The following ACOT7 variants were observed in gnomAD, a reference collection of about 807,000 sequenced individuals.
The protein encoded by ACOT7 is cytosolic acyl coenzyme A thioester hydrolase.
A neutral mutation model predicts 40.2 loss-of-function variants in ACOT7; 12 were observed. The observed-to-expected ratio is 0.30, with a 90% CI of 0.19 to 0.48. The LOEUF (loss-of-function observed/expected upper bound fraction) is 0.48. ACOT7 is among the 20% of genes least tolerant of loss of function. The pLI is 0.99. For synonymous variants in ACOT7, 228 were observed against 219.5 expected (o/e 1.04, Z -0.34); for missense variants, 395 against 530.8 (o/e 0.74, Z 2.51).
rs1479125952 is a variant in ACOT7 at position 6,358,828 on chromosome 1, G to A, written c.144-8962C>T. On this transcript the variant is annotated intron_variant, in intron 1 of 8. Transcript: ENST00000361521. The surrounding 1 kb of genome is among the most constrained non-coding windows in gnomAD (Gnocchi z 4.1). ...GACATGCCCATGACTGGCAGTACCT[G>A]CTCAGCTGGAAAGCCATGGTGGCTA... 2 of 1,613,920 alleles carry A rather than the reference G, an allele frequency of 1.2e-6. No individual in the cohort carries two copies. The highest frequency in any genetic ancestry group is 1.7e-4 in the Middle Eastern group (1 of 6,060).
intron 1 of ACOT7, 21 bp from the exon 2 acceptor site, chr1:6,349,887 G>A: frequency 1.2e-6 from 2 of 1,610,392 alleles, no homozygotes; most frequent in Non-Finnish European, 1.7e-6. Context: ...GGAGAAGCAG[G>A]ATGAGGCCTC....
At chr1:6,283,868 G>A (rs1200505407) in intron 7 of ACOT7, among the ~76,000 whole-genome samples, 1 of 152,184 alleles carries the variant, frequency 6.6e-6, no homozygotes. Flanking sequence ...AGTGGCACAC[G>A]CCTGTGGTCC....
At chr1:6,361,061 C>T (rs1275833620) in intron 1 of ACOT7, among the ~76,000 whole-genome samples, 1 of 152,140 alleles carries the variant, frequency 6.6e-6, no homozygotes, top group African/African-American at 2.4e-5. Flanking sequence ...TATTCACAAC[C>T]ACCCAAGGAT....
At chr1:6,287,044 C>T (rs1639523410) in intron 7 of ACOT7, among the ~76,000 whole-genome samples, 1 of 152,212 alleles carries the variant, frequency 6.6e-6, no homozygotes, top group African/African-American at 2.4e-5. Context: ...CCTCGGCCTC[C>T]CAAAGTGCTG....
Position 6,339,483 on chromosome 1 carries a change from T to G in ACOT7, c.368A>C (p.Lys123Thr). The change falls in exon 3 of 9, where the codon AAG becomes ACG. Residue 123 changes from lysine to threonine, a missense_variant. Around this residue, in one of 2 missense-constraint regions of ACOT7, gnomAD observed 309 missense variants for 470.3 expected, o/e 0.66. Coordinates refer to ENST00000361521, the MANE Select transcript of ACOT7 (RefSeq NM_007274.4). ...GTTGACCTGCACCTCCACAGAGTGCTTGGAGGTGTAGGTGATCTCCGCGCT... is the reference window on the plus strand; with the variant it reads ...GTTGACCTGCACCTCCACAGAGTGCGTGGAGGTGTAGGTGATCTCCGCGCT... Reference protein sequence around the residue: ...HVSAEITYTSKHSVEVQVNVM... With the variant: ...HVSAEITYTSTHSVEVQVNVM... 6.2e-7 allele frequency: 1 copy of G among 1,613,758 alleles called. No individual in the cohort carries two copies. The highest frequency in any genetic ancestry group is 8.5e-7 in the Non-Finnish European group (1 of 1,180,034).
intron 1 of ACOT7, among the ~76,000 whole-genome samples, chr1:6,361,891 T>C (rs1379931674): frequency 3.9e-5 from 6 of 152,160 alleles, no homozygotes; most frequent in Non-Finnish European, 7.3e-5. Context: ...GGGTGACACA[T>C]GGCAGGAGCC....
chr1:6,391,004 C>G (rs1178835584), intron 1 of ACOT7, among the ~76,000 whole-genome samples: 2 of 151,672 alleles, frequency 1.3e-5, no homozygotes, highest in Non-Finnish European at 2.9e-5. Flanking sequence ...ATACAAAAAT[C>G]TAGTAACTAG....
chr1:6,291,110 T>C lies in ACOT7; in HGVS notation c.829+3754A>G, dbSNP rs1034588799. 1.1e-4 allele frequency among the ~76,000 whole-genome samples: 16 copies of C among 152,180 alleles called. 1 individual carries two copies. Among genetic ancestry groups the C allele is most frequent in the African/African-American group, 3.9e-4 (16 of 41,438 alleles). ...GAAGTGAGCTAGTATCTACATGAGTTGAGCTTTAAGGAGACAAAGCATTTC... is the reference window on the plus strand; with the variant it reads ...GAAGTGAGCTAGTATCTACATGAGTCGAGCTTTAAGGAGACAAAGCATTTC... On this transcript the variant is annotated intron_variant, in intron 7 of 8. Coordinates refer to ENST00000361521, the MANE Select transcript of ACOT7 (RefSeq NM_007274.4).
At chr1:6,322,437 T>C (rs1245833646) in intron 5 of ACOT7, among the ~76,000 whole-genome samples, 1 of 152,230 alleles carries the variant, frequency 6.6e-6, no homozygotes. Flanking sequence ...TGAAATTCTG[T>C]GTGTGGAGTG....
intron 5 of ACOT7, among the ~76,000 whole-genome samples, chr1:6,324,762 C>A (rs1640752371): frequency 6.6e-6 from 1 of 152,198 alleles, no homozygotes; most frequent in African/African-American, 2.4e-5. Flanking sequence ...CTTGCAAGGG[C>A]ACTGATCACT....
At chr1:6,387,781 G>C (rs1642463017) in intron 1 of ACOT7, among the ~76,000 whole-genome samples, 2 of 152,176 alleles carry the variant, frequency 1.3e-5, no homozygotes, top group Admixed American at 6.5e-5. Context: ...GTAGACAAAG[G>C]CCTCCCCACG....
chr1:6,336,333 C>CAAAAAA (rs3029068), intron 3 of ACOT7, among the ~76,000 whole-genome samples: 2,741 of 52,712 alleles, frequency 0.052, 129 homozygotes, highest in African/African-American at 0.071. Context: ...GACTCGGTCT[C>CAAAAAA]AAAAAAAAAA....
chr1:6,334,239 G>A (rs537783016), intron 3 of ACOT7, among the ~76,000 whole-genome samples: 1 of 152,374 alleles, frequency 6.6e-6, no homozygotes, highest in African/African-American at 2.4e-5. Context: ...GACATCGAAC[G>A]TCAAAATCAA....
At chr1:6,316,233 A>G (rs1298304423) in intron 6 of ACOT7, among the ~76,000 whole-genome samples, 1 of 152,154 alleles carries the variant, frequency 6.6e-6, no homozygotes, top group Non-Finnish European at 1.5e-5. Flanking sequence ...CCAGGCTCGG[A>G]AGAGGGAGCT....
intron 1 of ACOT7, among the ~76,000 whole-genome samples, chr1:6,382,649 C>A (rs1404029330): frequency 6.6e-6 from 1 of 151,432 alleles, no homozygotes; most frequent in African/African-American, 2.4e-5. Flanking sequence ...AATCCTGTCT[C>A]TACAAAAACT....
intron 2 of ACOT7, among the ~76,000 whole-genome samples, chr1:6,345,311 G>A (rs1641389152): frequency 6.6e-6 from 1 of 152,350 alleles, no homozygotes; most frequent in East Asian, 1.9e-4. Flanking sequence ...CAGGCACTGG[G>A]TTCCTCATGG....
chr1:6,264,827 G>A (rs559578865), intron 8 of ACOT7, 132 bp from the exon 9 acceptor site: 131 of 902,200 alleles, frequency 1.5e-4, no homozygotes, highest in Admixed American at 2.8e-4. Context: ...TGAGTACCAC[G>A]CCTCGGCCCC....
chr1:6,367,621 T>C (rs1412007072), intron 1 of ACOT7, among the ~76,000 whole-genome samples: 1 of 152,200 alleles, frequency 6.6e-6, no homozygotes, highest in African/African-American at 2.4e-5. Context: ...CTTGCCTGGT[T>C]GGCACACGGG....
chr1:6,323,731 AAAAAAAATATATATATAT>A lies in ACOT7; in HGVS notation c.625+3550_625+3567del, dbSNP rs1288094808. On this transcript the variant is annotated intron_variant, in intron 5 of 8. Transcript: ENST00000361521. ...AGACTTGTCTCAAAAAAAAAAAAAA[AAAAAAAATATATATATAT>A]ATATATATATATATATATATAGACA... Among the ~76,000 whole-genome samples, 112 of 90,120 alleles carry A rather than the reference AAAAAAAATATATATATAT, an allele frequency of 1.2e-3. 1 individual carries two copies. The highest frequency in any genetic ancestry group is 5.7e-3 in the African/African-American group (104 of 18,340). 59.1% of individuals were successfully genotyped at this position (90,120 alleles called of 152,430 possible).
Sources: gnomAD v4.1 joint callset for allele counts (sites outside exome capture counted in the v4.1 genomes callset) on GRCh38, gnomAD v4.1.1 for gene constraint, gnomAD v4.1.1 regional missense constraint, Gnocchi (gnomAD v3.1) non-coding constraint, MANE v1.5 for transcripts, NCBI Gene and HGNC (gene_info 2026-07-23, HGNC 2026-07-21) for gene names.